The following CEP295NL variants were observed in gnomAD, a reference collection of about 807,000 sequenced individuals.
CEP295NL encodes the protein CEP295 N-terminal like, also known as protein DDC8 homolog.
A neutral mutation model predicts 4.6 loss-of-function variants in CEP295NL; 3 were observed. The ratio of observed to expected loss-of-function variants is 0.65; its 90% CI spans 0.30 to 1.69. The LOEUF is 1.69. CEP295NL is among the 40% of genes most tolerant of loss of function. CEP295NL has a pLI of 0.10. For synonymous variants in CEP295NL, 295 were observed against 312.2 expected, an observed-to-expected ratio of 0.94 and a Z score of 0.58; for missense variants, 719 against 769.0, an observed-to-expected ratio of 0.93 and a Z score of 0.77.
Position 78,901,781 on chromosome 17 carries a change from TTA to T in CEP295NL, c.44+2_44+3del, listed in dbSNP as rs1042405862. 1.4e-6 allele frequency: 1 copy of T among 717,074 alleles called. No homozygotes were observed. Among genetic ancestry groups the T allele is most frequent in the Non-Finnish European group, 2.6e-6 (1 of 385,024 alleles). The allele number at this position is 717,074 out of a possible 1,614,324, so 44.4% of individuals were successfully genotyped here. A position where few individuals can be genotyped will look rare whatever the true frequency, so the allele number is the denominator to read the frequency against. On this transcript the variant is annotated splice_donor_variant and splice_donor_region_variant and intron_variant, in intron 2 of 2. Coordinates refer to ENST00000322630, the MANE Select transcript of CEP295NL (RefSeq NM_001243540.2). LOFTEE classifies it high-confidence loss of function. Reference sequence around the variant, plus strand: ...AATGCTTGGGGAAGAGGGGTGGTACTTACTGTGTGTGTCTCCAGATGACTGAG... The same window carrying T: ...AATGCTTGGGGAAGAGGGGTGGTACTCTGTGTGTGTCTCCAGATGACTGAG...
At position 78,891,692 on chromosome 17, in the gene CEP295NL, T is replaced by C; in HGVS notation, c.812A>G (p.Lys271Arg). The C allele has an allele frequency of 6.4e-7, 1 of 1,551,076 alleles. No individual in the cohort carries two copies. Among genetic ancestry groups the C allele is most frequent in the African/African-American group, 1.4e-5 (1 of 73,142 alleles). ...GEIGLVEEKE[K>R]GTARAGRRQL... ...CCTCCTCCCCGCCCGAGCTGTTCCT[T>C]TCTCTTTTTCCTCCACAAGCCCGAT... Residue 271 changes from lysine (K) to arginine (R), a missense_variant, in exon 3 of 3, where the codon AAA (lysine) becomes AGA (arginine). Physicochemically the swap from Lys to Arg is conservative, Grantham distance 26 (BLOSUM62 2). Coordinates refer to ENST00000322630, the MANE Select transcript of CEP295NL (RefSeq NM_001243540.2). This position sits in a 1 kb window ranked among gnomAD's most constrained non-coding sequence, Gnocchi z 4.5.
chr17:78,892,604 G>A lies in CEP295NL; in HGVS notation c.45-145C>T, dbSNP rs2069919022. 2.3e-6 allele frequency: 3 copies of A among 1,287,294 alleles called. No homozygotes were observed. The Admixed American group carries it at 8.6e-5, about 37-fold the overall frequency. The allele number at this position is 1,287,294 out of a possible 1,614,324, so 79.7% of individuals were successfully genotyped here. A position where few individuals can be genotyped will look rare whatever the true frequency, so the allele number is the denominator to read the frequency against. ...AAGCTCTCTTGACCCGTGCCCACCA[G>A]GGCCCACTCTCAGCCTCCCAATTTC... is the stretch of plus-strand genomic sequence containing the variant. On this transcript the variant is annotated intron_variant, in intron 2 of 2. Coordinates refer to ENST00000322630, the MANE Select transcript of CEP295NL (RefSeq NM_001243540.2).
chr17:78,892,013 G>A lies in CEP295NL; in HGVS notation c.491C>T (p.Pro164Leu), dbSNP rs1342384158. The change falls in exon 3 of 3, where the codon CCG becomes CTG. Residue 164 changes from proline (P) to leucine (L), a missense_variant. Transcript: ENST00000322630. ...TGCTCTATGCTTCTCCTTGGCCCTC[G>A]GGGGCCTGGCTGATCTTCGCTGGAT... Reference protein sequence around the residue: ...GPIQRRSARPPRAKEKHRAAL... With the variant: ...GPIQRRSARPLRAKEKHRAAL... The A allele has an allele frequency of 1.3e-6, 2 of 1,550,570 alleles. No individual in the cohort carries two copies. The highest frequency in any genetic ancestry group is 1.2e-5 in the South Asian group (1 of 84,054).
At position 78,891,683 on chromosome 17, in the gene CEP295NL, G is replaced by C; in HGVS notation, c.821C>G (p.Ala274Gly). 13 of 1,551,066 alleles carry C rather than the reference G, an allele frequency of 8.4e-6. No individual in the cohort carries two copies. Among genetic ancestry groups the C allele is most frequent in the African/African-American group, 1.4e-5 (1 of 73,144 alleles). ...GLVEEKEKGT[A>G]RAGRRQLGKG... The stretch of plus-strand genomic sequence containing the variant: ...TCCCAGTTGCCTCCTCCCCGCCCGA[G>C]CTGTTCCTTTCTCTTTTTCCTCCAC... Residue 274 changes from alanine (A) to glycine (G), a missense_variant, in exon 3 of 3, where the codon GCT (alanine) becomes GGT (glycine). Transcript: ENST00000322630. The surrounding 1 kb of genome is among the most constrained non-coding windows in gnomAD (Gnocchi z 4.5).
chr17:78,896,761 C>T lies in CEP295NL; in HGVS notation c.45-4302G>A, dbSNP rs758401594. Among the ~76,000 whole-genome samples, 3 of 152,140 alleles carry T rather than the reference C, an allele frequency of 2.0e-5. No individual in the cohort carries two copies. Among genetic ancestry groups the T allele is most frequent in the African/African-American group, 7.2e-5 (3 of 41,412 alleles). The stretch of plus-strand genomic sequence containing the variant: ...AGTGGACACCAATCTGGCCTCCGGA[C>T]GGCACCAGGGCCTCCCACAGAGCGG... On this transcript the variant is annotated intron_variant, in intron 2 of 2. Coordinates refer to ENST00000322630, the MANE Select transcript of CEP295NL (RefSeq NM_001243540.2). The surrounding 1 kb of genome is among the most constrained non-coding windows in gnomAD (Gnocchi z 4.4).
At chr17:78,894,810 A>C (rs1171468190) in intron 2 of CEP295NL, among the ~76,000 whole-genome samples, 1 of 152,224 alleles carries the variant, frequency 6.6e-6, no homozygotes, top group African/African-American at 2.4e-5. Context: ...AACATCATCA[A>C]AATTAAAAGA....
In CEP295NL at chr17:78,890,876, C is replaced by G. The variant is rs1213744703; in HGVS notation, c.1628G>C (p.Arg543Thr). ...GGCCAGTCGAGCTCTTCTTTGCTCC[C>G]TCCTCTCTTTTTCTAGCTCAGCTTT... Reference protein sequence around the residue: ...HYKAELEKERREQRRARLAHL... With the variant: ...HYKAELEKERTEQRRARLAHL... The change falls in exon 3 of 3, where the codon AGG becomes ACG. Residue 543 changes from arginine (R) to threonine (T), a missense_variant. Arg to Thr is a moderately conservative substitution (Grantham distance 71). Transcript: ENST00000322630. 1 of 1,550,632 alleles carries G rather than the reference C, an allele frequency of 6.4e-7. No homozygotes were observed. The highest frequency in any genetic ancestry group is 2.0e-5 in the Admixed American group (1 of 50,994).
At chr17:78,893,273 AG>A (rs2069938144) in intron 2 of CEP295NL, among the ~76,000 whole-genome samples, 2 of 74,906 alleles carry the variant, frequency 2.7e-5, no homozygotes, top group East Asian at 8.3e-4. Flanking sequence ...GTGTGTGTGT[AG>A]GGGTGTGCGG....
In CEP295NL at chr17:78,891,157, T is replaced by C. The variant is rs2069886058; in HGVS notation, c.1347A>G (p.Thr449=). ...VKPTFRNGSQ[T]LSPEAGIFIN... is the part of the protein sequence containing the mutation. ...TAAATATACCTGCCTCGGGAGACAATGTTTGACTTCCATTTCTAAACGTGG... is the reference window on the plus strand; with the variant it reads ...TAAATATACCTGCCTCGGGAGACAACGTTTGACTTCCATTTCTAAACGTGG... The change falls in exon 3 of 3, where the codon ACA becomes ACG. Residue 449 remains threonine, a synonymous_variant. Transcript: ENST00000322630. The surrounding 1 kb of genome is among the most constrained non-coding windows in gnomAD (Gnocchi z 4.5). 2 of 1,550,694 alleles carry C rather than the reference T, an allele frequency of 1.3e-6. No homozygotes were observed. The highest frequency in any genetic ancestry group is 2.4e-5 in the East Asian group (1 of 40,922).
chr17:78,898,103 C>A (rs1341874250), intron 2 of CEP295NL: 1 of 152,186 alleles, frequency 6.6e-6, no homozygotes, highest in Non-Finnish European at 1.5e-5. Context: ...CCAGCTTACA[C>A]GGAGGAGCTG....
chr17:78,896,228 G>A lies in CEP295NL; in HGVS notation c.45-3769C>T, dbSNP rs910488662. ...CTTGAGGCAGAGGGCAGGGTCTCAC[G>A]TGGACTTGTGCAGGCACTGGCAGGG... On this transcript the variant is annotated intron_variant, in intron 2 of 2. Transcript: ENST00000322630. This position sits in a 1 kb window ranked among gnomAD's most constrained non-coding sequence, Gnocchi z 4.4. Among the ~76,000 whole-genome samples the A allele has an allele frequency of 1.3e-5, 2 of 152,194 alleles. No homozygotes were observed. The highest frequency in any genetic ancestry group is 4.1e-4 in the South Asian group (2 of 4,830).
Position 78,893,350 on chromosome 17 carries a change from GGTGTGTGTGCAGGGGTGTGTAGGA to G in CEP295NL, c.45-915_45-892del, listed in dbSNP as rs1439098229. 6.8e-5 allele frequency among the ~76,000 whole-genome samples: 9 copies of G among 132,800 alleles called. No individual in the cohort carries two copies. In the East Asian group the frequency reaches 7.1e-4, roughly 11 times the overall value. 87.1% of individuals were successfully genotyped at this position (132,800 alleles called of 152,430 possible). ...GTGTCTCCATGCATGTGTGTGCAGG[GGTGTGTGTGCAGGGGTGTGTAGGA>G]GTGTGTGTGCAGGGGTGTGTATGCA... On this transcript the variant is annotated intron_variant, in intron 2 of 2. Transcript: ENST00000322630.
chr17:78,899,704 G>A (rs112124727), intron 2 of CEP295NL: 11,636 of 152,268 alleles, frequency 0.076, 511 homozygotes, highest in Middle Eastern at 0.12. Flanking sequence ...ACCCAGCAGC[G>A]CCTGGAATGT....
chr17:78,894,030 T>C (rs141707645), intron 2 of CEP295NL, among the ~76,000 whole-genome samples: 5 of 152,290 alleles, frequency 3.3e-5, no homozygotes, highest in Non-Finnish European at 4.4e-5. Context: ...GGCTAAGCCT[T>C]TGGAGTCAAA....
chr17:78,890,939 T>C lies in CEP295NL; in HGVS notation c.1565A>G (p.Gln522Arg). The change falls in exon 3 of 3, where the codon CAA becomes CGA. Residue 522 changes from glutamine to arginine, a missense_variant. By Grantham distance (43) the Gln-to-Arg change is conservative. Transcript: ENST00000322630. ...RRQKQLESLE[Q>R]MEHPDMSLEI... ...CAAGCTCATATCTGGGTGTTCCATT[T>C]GTTCAAGCGATTCCAGTTGTTTTTG... 1 of 1,551,058 alleles carries C rather than the reference T, an allele frequency of 6.4e-7. No individual in the cohort carries two copies. Among genetic ancestry groups the C allele is most frequent in the South Asian group, 1.2e-5 (1 of 84,064 alleles).
chr17:78,892,384 G>A lies in CEP295NL; in HGVS notation c.120C>T (p.Ser40=), dbSNP rs1568000549. Reference sequence around the variant, plus strand: ...ATACAGCTTCCCAGGGAAGGTGCTTGGAGCCAAGAGTGGAGGGTTCAAGGG... The same window carrying A: ...ATACAGCTTCCCAGGGAAGGTGCTTAGAGCCAAGAGTGGAGGGTTCAAGGG... The part of the protein sequence containing the change: ...GAPLEPSTLG[S]KHLPWEAVSA... The change falls in exon 3 of 3, where the codon TCC becomes TCT. Residue 40 remains serine, a synonymous_variant. Transcript: ENST00000322630. The A allele has an allele frequency of 1.9e-6, 3 of 1,550,626 alleles. No individual in the cohort carries two copies. Among genetic ancestry groups the A allele is most frequent in the Non-Finnish European group, 2.6e-6 (3 of 1,146,996 alleles).
chr17:78,891,510 G>A lies in CEP295NL; in HGVS notation c.994C>T (p.Arg332Trp), dbSNP rs1271364587. The A allele has an allele frequency of 4.5e-5, 70 of 1,550,952 alleles. No homozygotes were observed. The highest frequency in any genetic ancestry group is 2.9e-4 in the Admixed American group (15 of 50,972). Residue 332 changes from arginine to tryptophan, a missense_variant, in exon 3 of 3, where the codon CGG becomes TGG. Arg to Trp is a moderately radical substitution (Grantham distance 101). Coordinates refer to ENST00000322630, the MANE Select transcript of CEP295NL (RefSeq NM_001243540.2). This position sits in a 1 kb window ranked among gnomAD's most constrained non-coding sequence, Gnocchi z 4.5. ...TCTTTCTGCCACTTGTTCTTCTCCC[G>A]GAGCGTGCACTGAGATGCTGGGGAC... is the stretch of plus-strand genomic sequence containing the variant. ...AVSPASQCTL[R>W]EKNKWQKELE... is the part of the protein sequence containing the mutation.
chr17:78,902,956 A>G (rs1470342868), intron 1 of CEP295NL, among the ~76,000 whole-genome samples, 178 bp downstream of exon 1: 1 of 152,208 alleles, frequency 6.6e-6, no homozygotes, highest in Non-Finnish European at 1.5e-5. Context: ...CCCGTGGTGC[A>G]GGGACTTTGC....
At chr17:78,892,995 A>C (rs928273910) in intron 2 of CEP295NL, among the ~76,000 whole-genome samples, 4 of 152,160 alleles carry the variant, frequency 2.6e-5, no homozygotes, top group African/African-American at 9.7e-5. Context: ...GGGCCTCTGG[A>C]GGGAGAATTG....
Sources: allele counts gnomAD v4.1 joint callset (sites outside exome capture counted in the v4.1 genomes callset), GRCh38; gene constraint gnomAD v4.1.1; non-coding constraint Gnocchi (gnomAD v3.1); transcripts MANE v1.5; gene names NCBI Gene and HGNC (gene_info 2026-07-23, HGNC 2026-07-21).